COG3: variants seen among roughly 807,000 people sequenced by gnomAD.
COG3 encodes the protein component of oligomeric golgi complex 3.
A neutral mutation model predicts 114.1 loss-of-function variants in COG3; 32 were observed. That is an observed-to-expected ratio of 0.28 (90% confidence interval 0.21 to 0.38). COG3 has a LOEUF of 0.38. COG3 is among the 10% of genes least tolerant of loss of function. The pLI is 1.00. For missense variants in COG3, 813 were observed against 973.2 expected, an observed-to-expected ratio of 0.84 and a Z score of 2.19; for synonymous variants, 352 against 365.7, an observed-to-expected ratio of 0.96 and a Z score of 0.43.
Position 45,496,024 on chromosome 13 carries a change from A to G in COG3, c.1328-128A>G. The G allele has an allele frequency of 1.6e-5, 12 of 743,038 alleles. No individual in the cohort carries two copies. In the South Asian group the frequency reaches 2.6e-4, roughly 16 times the overall value. The allele number at this position is 743,038 out of a possible 1,614,324, so 46.0% of individuals were successfully genotyped here. A position where few individuals can be genotyped will look rare whatever the true frequency, so the allele number is the denominator to read the frequency against. On this transcript the variant is annotated intron_variant, in intron 12 of 22. Coordinates refer to ENST00000349995, the MANE Select transcript of COG3 (RefSeq NM_031431.4). ...GCTCATTGAGTCATGCTGAAATAGA[A>G]TACAATCACAGCCTCTGAAGCAAAA... is the stretch of plus-strand genomic sequence containing the variant.
At chr13:45,531,695 A>G (rs1873179594) in intron 22 of COG3, among the ~76,000 whole-genome samples, 1 of 151,906 alleles carries the variant, frequency 6.6e-6, no homozygotes, top group Non-Finnish European at 1.5e-5. Flanking sequence ...TGGTAGACAG[A>G]GGGTTTCACC....
intron 8 of COG3, among the ~76,000 whole-genome samples, chr13:45,488,770 T>C (rs1886829985): frequency 6.6e-6 from 1 of 152,192 alleles, no homozygotes; most frequent in Non-Finnish European, 1.5e-5. Flanking sequence ...TTATAACATA[T>C]CTGAGATACA....
chr13:45,499,799 A>G (rs1014049323), intron 13 of COG3, among the ~76,000 whole-genome samples: 1 of 152,150 alleles, frequency 6.6e-6, no homozygotes, highest in Non-Finnish European at 1.5e-5. Flanking sequence ...AGGTGGGCGA[A>G]TCACTTGAGC....
intron 10 of COG3, among the ~76,000 whole-genome samples, chr13:45,491,925 AG>A (rs1378891550): frequency 2.6e-5 from 4 of 152,188 alleles, no homozygotes; most frequent in Non-Finnish European, 4.4e-5. Flanking sequence ...GAACTAGAAA[AG>A]TAATTTGTGT....
chr13:45,468,051 A>G (rs1885255325), intron 1 of COG3, among the ~76,000 whole-genome samples: 1 of 152,266 alleles, frequency 6.6e-6, no homozygotes, highest in South Asian at 2.1e-4. Context: ...ATAGAATATT[A>G]GGTAGACTTT....
At chr13:45,525,077 T>A in intron 20 of COG3, 26 bp downstream of exon 20, 1 of 1,600,534 alleles carries the variant, frequency 6.2e-7, no homozygotes, top group South Asian at 1.1e-5. Context: ...CATTTTGGAT[T>A]TCTTTTTTAG....
intron 1 of COG3, among the ~76,000 whole-genome samples, chr13:45,471,375 C>T (rs1266516315): frequency 6.6e-6 from 1 of 152,166 alleles, no homozygotes. Context: ...GCTGTGATTG[C>T]ACCATGGCAC....
chr13:45,492,691 A>G (rs1223775553), intron 11 of COG3, among the ~76,000 whole-genome samples: 2 of 152,228 alleles, frequency 1.3e-5, no homozygotes, highest in Admixed American at 1.3e-4. Flanking sequence ...TTGGTTTCTT[A>G]ATGTTCACTC....
chr13:45,506,425 GAGA>G (rs1870155819), intron 14 of COG3, among the ~76,000 whole-genome samples: 1 of 152,136 alleles, frequency 6.6e-6, no homozygotes, highest in Non-Finnish European at 1.5e-5. Context: ...GTAAACAGGT[GAGA>G]AGATCGAAAT....
chr13:45,513,269 T>TTA (rs199833156), intron 16 of COG3, among the ~76,000 whole-genome samples: 1 of 36,484 alleles, frequency 2.7e-5, no homozygotes, highest in Non-Finnish European at 4.9e-5. Flanking sequence ...TACATATAAA[T>TTA]TATATATAAT....
chr13:45,516,204 C>A lies in COG3; in HGVS notation c.1871C>A (p.Ala624Asp), dbSNP rs1871522206. ...KHLLILREQI[A>D]PFHTEFTIKE... ...CTTTTGATACTTCGTGAACAAATTG[C>A]TCCATTTCACACTGAATTCACCATT... is the stretch of plus-strand genomic sequence containing the variant. Residue 624 changes from alanine to aspartate, a missense_variant, in exon 17 of 23, where the codon GCT (alanine) becomes GAT (aspartate). Coordinates refer to ENST00000349995, the MANE Select transcript of COG3 (RefSeq NM_031431.4). 18 of 1,601,112 alleles carry A rather than the reference C, an allele frequency of 1.1e-5. No homozygotes were observed. Among genetic ancestry groups the A allele is most frequent in the Non-Finnish European group, 1.5e-5 (18 of 1,170,710 alleles).
chr13:45,466,644 T>C (rs1433914071), intron 1 of COG3: 1 of 152,246 alleles, frequency 6.6e-6, no homozygotes, highest in Non-Finnish European at 1.5e-5. Flanking sequence ...CCAGTCTGTT[T>C]ATAATTGATT....
At chr13:45,519,535 G>A (rs1871886337) in intron 19 of COG3, among the ~76,000 whole-genome samples, 1 of 152,154 alleles carries the variant, frequency 6.6e-6, no homozygotes, top group Non-Finnish European at 1.5e-5. Flanking sequence ...GGATAATTGA[G>A]AACTGAAGAC....
intron 22 of COG3, among the ~76,000 whole-genome samples, chr13:45,532,922 A>C (rs1284893650): frequency 6.6e-5 from 10 of 151,330 alleles, no homozygotes; most frequent in Non-Finnish European, 1.5e-5. Context: ...TTTTGTGTTC[A>C]TGGGGGAAGA....
chr13:45,509,886 CT>C (rs1408332286), intron 15 of COG3, 70 bp downstream of exon 15: 1 of 1,389,172 alleles, frequency 7.2e-7, no homozygotes, highest in Non-Finnish European at 9.9e-7. Context: ...ATTTTAAGAT[CT>C]TGATAAAGTA....
intron 22 of COG3, among the ~76,000 whole-genome samples, chr13:45,531,563 A>G (rs960796579): frequency 1.3e-5 from 2 of 151,598 alleles, no homozygotes; most frequent in African/African-American, 2.4e-5. Context: ...GCTGGAGTTC[A>G]GTGGTGTGAT....
intron 14 of COG3, among the ~76,000 whole-genome samples, chr13:45,506,237 A>G (rs1438649618): frequency 6.6e-6 from 1 of 152,162 alleles, no homozygotes; most frequent in East Asian, 1.9e-4. Context: ...GACAGATTGT[A>G]GAGTGACTGT....
intron 22 of COG3, chr13:45,531,009 G>C: frequency 1.7e-6 from 2 of 1,169,798 alleles, no homozygotes; most frequent in Non-Finnish European, 2.1e-6. Context: ...AATCCTTTCT[G>C]ATATGAATAT....
intron 12 of COG3, among the ~76,000 whole-genome samples, chr13:45,494,342 A>C (rs1050003078): frequency 4.6e-5 from 7 of 151,906 alleles, no homozygotes; most frequent in African/African-American, 1.7e-4. Context: ...AAAAAAAAAA[A>C]AACAACCTTT....
Sources: allele counts gnomAD v4.1 joint callset (sites outside exome capture counted in the v4.1 genomes callset), GRCh38; gene constraint gnomAD v4.1.1; transcripts MANE v1.5; gene names NCBI Gene and HGNC (gene_info 2026-07-23, HGNC 2026-07-21).